The following CDYL2 variants were observed in gnomAD, a reference collection of about 807,000 sequenced individuals.
CDYL2 encodes chromodomain Y-like protein 2.
In CDYL2, 23 loss-of-function variants were observed where a neutral mutation model predicts 49.4. The observed-to-expected ratio is 0.47, with a 90% confidence interval of 0.34 to 0.66. The LOEUF (loss-of-function observed/expected upper bound fraction) is 0.66, where lower values mean the gene tolerates loss of function less well. Among genes scored for constraint, CDYL2 ranks in the 30% least tolerant of loss-of-function variants. The probability of loss-of-function intolerance (pLI) is 0.01; values close to 1 mark genes in which losing one functional copy is unlikely to be tolerated. For synonymous variants in CDYL2, 360 were observed against 268.8 expected, an observed-to-expected ratio of 1.34 and a Z score of -3.32; for missense variants, 678 against 656.4, an observed-to-expected ratio of 1.03 and a Z score of -0.36.
In CDYL2 at chr16:80,652,196, G is replaced by A. The variant is rs113383824; in HGVS notation, c.617-18960C>T. Among the ~76,000 whole-genome samples the A allele has an allele frequency of 2.3e-3, 354 of 152,200 alleles. 2 individuals are homozygous for A. Among genetic ancestry groups the A allele is most frequent in the African/African-American group, 8.1e-3 (337 of 41,516 alleles). ...ACACAATTCTCAATAAAAGGACCTA[G>A]GAAACTCTGGAGCAATGGCTGACTC... On this transcript the variant is annotated intron_variant, in intron 2 of 6. Transcript: ENST00000570137.
intron 1 of CDYL2, among the ~76,000 whole-genome samples, chr16:80,750,480 C>T (rs55851045): frequency 0.023 from 3,435 of 150,460 alleles, 38 homozygotes; most frequent in Non-Finnish European, 0.036. Context: ...AAAACATTAT[C>T]TGTGAAAAAG....
intron 1 of CDYL2, among the ~76,000 whole-genome samples, chr16:80,777,851 T>A (rs907939419): frequency 6.6e-6 from 1 of 152,210 alleles, no homozygotes; most frequent in African/African-American, 2.4e-5. Flanking sequence ...AAACCAGCAT[T>A]AATTTGACAT....
chr16:80,735,504 G>A (rs908059911), intron 1 of CDYL2, among the ~76,000 whole-genome samples: 10 of 152,074 alleles, frequency 6.6e-5, no homozygotes, highest in Admixed American at 5.2e-4. Context: ...GCACTGAATG[G>A]GCACTCACTG....
chr16:80,670,536 A>C (rs2142449729), intron 2 of CDYL2, among the ~76,000 whole-genome samples: 1 of 152,258 alleles, frequency 6.6e-6, no homozygotes, highest in Middle Eastern at 3.4e-3. Context: ...TGTCTTCATT[A>C]GCAACTTGAG....
In CDYL2 at chr16:80,730,721, G is replaced by C. The variant is rs553085641; in HGVS notation, c.25-45592C>G. Reference sequence around the variant, plus strand: ...ATCCTCAACAAAATACTGGCAATAAGTGATGGATAAATATGTAGGGGTGTA... The same window carrying C: ...ATCCTCAACAAAATACTGGCAATAACTGATGGATAAATATGTAGGGGTGTA... On this transcript the variant is annotated intron_variant, in intron 1 of 6. Coordinates refer to ENST00000570137, the MANE Select transcript of CDYL2 (RefSeq NM_152342.4). 1.8e-4 allele frequency among the ~76,000 whole-genome samples: 28 copies of C among 152,290 alleles called. No individual in the cohort carries two copies. In the Middle Eastern group the frequency reaches 0.01, roughly 55 times the overall value.
chr16:80,772,483 C>T (rs1308559279), intron 1 of CDYL2, among the ~76,000 whole-genome samples: 4 of 152,196 alleles, frequency 2.6e-5, no homozygotes, highest in African/African-American at 9.6e-5. Context: ...GACGGAGTCT[C>T]CCTCTGTAGA....
At chr16:80,734,403 C>T (rs936684251) in intron 1 of CDYL2, among the ~76,000 whole-genome samples, 3 of 152,084 alleles carry the variant, frequency 2.0e-5, no homozygotes. Flanking sequence ...TAAGACAGAT[C>T]CATGAGCCAT....
At chr16:80,717,402 T>C (rs1904848384) in intron 1 of CDYL2, among the ~76,000 whole-genome samples, 1 of 152,176 alleles carries the variant, frequency 6.6e-6, no homozygotes, top group South Asian at 2.1e-4. Context: ...GATATCCTGG[T>C]GGCAATAAAG....
intron 1 of CDYL2, among the ~76,000 whole-genome samples, chr16:80,751,931 CTT>C (rs1906151235): frequency 6.6e-6 from 1 of 152,114 alleles, no homozygotes; most frequent in Non-Finnish European, 1.5e-5. Context: ...AGTGAATACT[CTT>C]TGTAGAAGGA....
At chr16:80,733,834 C>G (rs1905419689) in intron 1 of CDYL2, among the ~76,000 whole-genome samples, 1 of 152,156 alleles carries the variant, frequency 6.6e-6, no homozygotes. Context: ...AATCTCCTTC[C>G]TCCAATCTCA....
chr16:80,728,791 A>G (rs1401813451), intron 1 of CDYL2, among the ~76,000 whole-genome samples: 7 of 152,174 alleles, frequency 4.6e-5, no homozygotes, highest in African/African-American at 1.2e-4. Flanking sequence ...AGTGGGGGCC[A>G]ATATTCAACA....
At chr16:80,718,980 T>A (rs1904906303) in intron 1 of CDYL2, among the ~76,000 whole-genome samples, 1 of 152,230 alleles carries the variant, frequency 6.6e-6, no homozygotes, top group Admixed American at 6.5e-5. Context: ...AAATCCAAAG[T>A]TGTCAGAACT....
intron 1 of CDYL2, among the ~76,000 whole-genome samples, chr16:80,792,284 C>G (rs758338515): frequency 6.6e-6 from 1 of 152,062 alleles, no homozygotes; most frequent in Non-Finnish European, 1.5e-5. Context: ...AACCCTGGGA[C>G]AAAACCATGA....
intron 1 of CDYL2, among the ~76,000 whole-genome samples, chr16:80,789,450 A>C (rs1250510715): frequency 1.3e-5 from 2 of 152,140 alleles, no homozygotes; most frequent in African/African-American, 4.8e-5. Context: ...AAATACAAAA[A>C]TTAGCTGGGC....
At chr16:80,755,882 C>CT (rs1167569584) in intron 1 of CDYL2, among the ~76,000 whole-genome samples, 1 of 152,166 alleles carries the variant, frequency 6.6e-6, no homozygotes, top group Non-Finnish European at 1.5e-5. Flanking sequence ...GAACTCTGTA[C>CT]TTTCTGCTGA....
chr16:80,715,997 G>T (rs904722576), intron 1 of CDYL2, among the ~76,000 whole-genome samples: 17 of 152,262 alleles, frequency 1.1e-4, no homozygotes, highest in African/African-American at 3.9e-4. Flanking sequence ...CCCTTGGGCA[G>T]AGAGCTAAAT....
chr16:80,665,997 G>A (rs952002134), intron 2 of CDYL2, among the ~76,000 whole-genome samples: 4 of 152,184 alleles, frequency 2.6e-5, no homozygotes, highest in Admixed American at 6.5e-5. Context: ...GGGTAGAAAA[G>A]CACATTCTTG....
At chr16:80,621,723 T>C (rs565057828) in intron 3 of CDYL2, among the ~76,000 whole-genome samples, 14 of 152,340 alleles carry the variant, frequency 9.2e-5, no homozygotes, top group African/African-American at 3.4e-4. Context: ...CCATCTGACA[T>C]GGAAGAACTG....
intron 1 of CDYL2, among the ~76,000 whole-genome samples, chr16:80,776,680 T>G (rs1252521413): frequency 6.6e-6 from 1 of 151,400 alleles, no homozygotes; most frequent in Non-Finnish European, 1.5e-5. Flanking sequence ...TTAACATGGA[T>G]AAATCTTAAA....
Sources: gnomAD v4.1 joint callset for allele counts (sites outside exome capture counted in the v4.1 genomes callset) on GRCh38, gnomAD v4.1.1 for gene constraint, MANE v1.5 for transcripts, NCBI Gene and HGNC (gene_info 2026-07-23, HGNC 2026-07-21) for gene names.